Variants in NREP observed in about 807,000 individuals in gnomAD.
NREP encodes neuronal regeneration related protein.
Under a neutral mutation model 8.6 loss-of-function variants are expected in NREP, and 5 were observed. The observed-to-expected ratio is 0.58, with a 90% CI of 0.30 to 1.22. The LOEUF (loss-of-function observed/expected upper bound fraction) is 1.22, where lower values mean the gene tolerates loss of function less well. Among genes scored for constraint, NREP ranks in the 50% most tolerant of loss-of-function variants. The pLI is 0.07. For missense variants in NREP, 86 were observed against 82.5 expected, an observed-to-expected ratio of 1.04 and a Z score of -0.17; for synonymous variants, 27 against 28.0, an observed-to-expected ratio of 0.96 and a Z score of 0.11.
At chr5:111,974,698 A>G (rs1756913561) in intron 2 of NREP, among the ~76,000 whole-genome samples, 1 of 152,200 alleles carries the variant, frequency 6.6e-6, no homozygotes, top group African/African-American at 2.4e-5. Context: ...CTGCTGTTCA[A>G]TTTAACCTAA....
At chr5:111,803,890 T>C (rs1752074733) in intron 2 of NREP, among the ~76,000 whole-genome samples, 1 of 152,128 alleles carries the variant, frequency 6.6e-6, no homozygotes, top group Non-Finnish European at 1.5e-5. Flanking sequence ...GACTTGAAAA[T>C]ATAGAAAGAT....
At chr5:111,871,053 CGTGTGTGTGTGTGTGTGT>C (rs34667486) in intron 2 of NREP, among the ~76,000 whole-genome samples, 4 of 142,702 alleles carry the variant, frequency 2.8e-5, no homozygotes, top group Non-Finnish European at 3.0e-5. Context: ...GAACCAATGG[CGTGTGTGTGTGTGTGTGT>C]GTGTGTGTGT....
chr5:111,908,831 G>T (rs1032910707), intron 2 of NREP, among the ~76,000 whole-genome samples: 1 of 151,818 alleles, frequency 6.6e-6, no homozygotes. Context: ...TTCTATTTTA[G>T]TTCTTTGAGA....
At chr5:111,921,038 A>C (rs1471125388) in intron 2 of NREP, among the ~76,000 whole-genome samples, 1 of 152,058 alleles carries the variant, frequency 6.6e-6, no homozygotes, top group African/African-American at 2.4e-5. Flanking sequence ...GCTGAAAGAG[A>C]AATGACCTCT....
At chr5:111,779,396 G>A (rs1426754111) in intron 2 of NREP, among the ~76,000 whole-genome samples, 1 of 152,152 alleles carries the variant, frequency 6.6e-6, no homozygotes, top group Non-Finnish European at 1.5e-5. Context: ...GGTTTGCTCT[G>A]CTCTGCTCAG....
intron 2 of NREP, among the ~76,000 whole-genome samples, chr5:111,778,228 G>A (rs1264010411): frequency 6.6e-6 from 1 of 152,142 alleles, no homozygotes; most frequent in Admixed American, 6.6e-5. Context: ...AGAATATCCA[G>A]ATACATTTGT....
At chr5:111,804,870 G>A (rs1425611446) in intron 2 of NREP, among the ~76,000 whole-genome samples, 1 of 152,082 alleles carries the variant, frequency 6.6e-6, no homozygotes, top group African/African-American at 2.4e-5. Context: ...GTTTGGTGGC[G>A]GGCGCCTGCA....
At chr5:111,813,305 T>TTTTTG (rs1752310507) in intron 2 of NREP, among the ~76,000 whole-genome samples, 10 of 152,170 alleles carry the variant, frequency 6.6e-5, no homozygotes, top group African/African-American at 2.4e-4. Context: ...AAAGTCTCCT[T>TTTTTG]TTGTTGTTAC....
intron 2 of NREP, among the ~76,000 whole-genome samples, chr5:111,879,303 G>C (rs1753988757): frequency 6.6e-6 from 1 of 152,104 alleles, no homozygotes; most frequent in Admixed American, 6.5e-5. Context: ...TTTCTTTATA[G>C]CAACAAAAAT....
chr5:111,830,153 GT>G (rs1186439919), intron 2 of NREP, among the ~76,000 whole-genome samples: 2 of 150,560 alleles, frequency 1.3e-5, no homozygotes, highest in Non-Finnish European at 2.9e-5. Context: ...GTTTTCAGCT[GT>G]TTTTTTTGTT....
chr5:111,757,480 G>C, upstream of NREP: 2 of 985,166 alleles, frequency 2.0e-6, no homozygotes, highest in Non-Finnish European at 2.4e-6. Context: ...TGAACAATGA[G>C]CTAATTCTGA....
intron 2 of NREP, among the ~76,000 whole-genome samples, chr5:111,765,368 C>T (rs1445146354): frequency 6.6e-6 from 1 of 152,152 alleles, no homozygotes; most frequent in African/African-American, 2.4e-5. Flanking sequence ...CCAGTCTGCA[C>T]CTTGGGGTTG....
At chr5:111,741,824 T>TACACACAGAC (rs138411321) in intron 2 of NREP, among the ~76,000 whole-genome samples, 6,751 of 73,414 alleles carry the variant, frequency 0.092, 370 homozygotes, top group African/African-American at 0.2. Flanking sequence ...AACACACACA[T>TACACACAGAC]ACACACACAC....
chr5:111,792,127 T>C (rs1751763237), intron 2 of NREP, among the ~76,000 whole-genome samples: 1 of 152,206 alleles, frequency 6.6e-6, no homozygotes, highest in African/African-American at 2.4e-5. Flanking sequence ...TTAGAATATG[T>C]ATATTTTGAC....
intron 2 of NREP, among the ~76,000 whole-genome samples, chr5:111,762,992 A>G (rs1750999796): frequency 6.6e-6 from 1 of 152,222 alleles, no homozygotes; most frequent in South Asian, 2.1e-4. Flanking sequence ...TGAAGTCAGG[A>G]GGGCTCCACT....
intron 2 of NREP, among the ~76,000 whole-genome samples, chr5:111,753,485 C>T (rs550433828): frequency 4.6e-5 from 7 of 151,286 alleles, no homozygotes; most frequent in South Asian, 4.2e-4. Context: ...ATTTTAGATA[C>T]GTAAAAAGTC....
intron 2 of NREP, among the ~76,000 whole-genome samples, chr5:111,876,246 C>T (rs1753905984): frequency 6.6e-6 from 1 of 152,136 alleles, no homozygotes; most frequent in Admixed American, 6.5e-5. Flanking sequence ...TTTCAGGCTG[C>T]TTTTGATTAG....
chr5:111,918,811 C>G (rs190435281), intron 2 of NREP, among the ~76,000 whole-genome samples: 1 of 152,132 alleles, frequency 6.6e-6, no homozygotes, highest in Non-Finnish European at 1.5e-5. Context: ...GCAAAGACTT[C>G]GTGACTAAAA....
intron 2 of NREP, among the ~76,000 whole-genome samples, chr5:111,746,167 AATTG>A (rs1298958264): frequency 6.6e-6 from 1 of 152,168 alleles, no homozygotes; most frequent in Non-Finnish European, 1.5e-5. Context: ...TTTCTGATTG[AATTG>A]ATTGATTATG....
Sources: gnomAD v4.1 joint callset for allele counts (sites outside exome capture counted in the v4.1 genomes callset) on GRCh38, gnomAD v4.1.1 for gene constraint, MANE v1.5 for transcripts, NCBI Gene and HGNC (gene_info 2026-07-23, HGNC 2026-07-21) for gene names.